Variants in AUTS2 observed in about 807,000 individuals in gnomAD.
The protein encoded by AUTS2 is autism susceptibility gene 2 protein.
Under a neutral mutation model 112.4 loss-of-function variants are expected in AUTS2, and 17 were observed. That is an observed-to-expected ratio of 0.15 (90% CI 0.10 to 0.23). The LOEUF is 0.23. Among genes scored for constraint, AUTS2 ranks in the 10% least tolerant of loss-of-function variants. The probability of loss-of-function intolerance (pLI) is 1.00; values close to 1 mark genes in which losing one functional copy is unlikely to be tolerated. For synonymous variants in AUTS2, 751 were observed against 702.7 expected (o/e 1.07, Z -1.09); for missense variants, 1,510 against 1,701.6 (o/e 0.89, Z 1.98).
intron 5 of AUTS2, among the ~76,000 whole-genome samples, chr7:70,573,719 C>T (rs962896170): frequency 2.6e-5 from 4 of 151,194 alleles, no homozygotes; most frequent in Non-Finnish European, 4.4e-5. Flanking sequence ...GCCAGTTAAA[C>T]GGTTCAAAGG....
At chr7:69,787,950 A>G (rs1390934118) in intron 1 of AUTS2, among the ~76,000 whole-genome samples, 2 of 152,182 alleles carry the variant, frequency 1.3e-5, no homozygotes, top group African/African-American at 2.4e-5. Flanking sequence ...TATTAAGGAC[A>G]GATTTTTCAG....
At position 69,599,243 on chromosome 7, in the gene AUTS2, C is replaced by T. The variant is rs1792229487; in HGVS notation, c.-411C>T. ...GGAGAATGGCCGCGGGGAGGGCTCC[C>T]CGGAGCCTCCCAGTCTCTTGATCAA... On this transcript the variant is annotated 5_prime_UTR_variant, in exon 1 of 19. Coordinates refer to ENST00000342771, the MANE Select transcript of AUTS2 (RefSeq NM_015570.4). The surrounding 1 kb of genome is among the most constrained non-coding windows in gnomAD (Gnocchi z 7.0). 2 of 155,440 alleles carry T rather than the reference C, an allele frequency of 1.3e-5. No homozygotes were observed. The highest frequency in any genetic ancestry group is 1.3e-4 in the Admixed American group (2 of 15,342). 9.6% of individuals were successfully genotyped at this position (155,440 alleles called of 1,614,324 possible). A position where few individuals can be genotyped will look rare whatever the true frequency, so the allele number is the denominator to read the frequency against.
rs1442323251 is a variant in AUTS2 at position 70,793,229 on chromosome 7, G to GTGTT, written c.*2236_*2239dup. On this transcript the variant is annotated 3_prime_UTR_variant, in exon 19 of 19. Transcript: ENST00000342771. ...CTGGCTACTTCAAAACTCAGCGAAA[G>GTGTT]TGTTTGCTTTTCCAGCAGTGATGAG... 1.3e-5 allele frequency: 2 copies of GTGTT among 152,312 alleles called. No individual in the cohort carries two copies. The highest frequency in any genetic ancestry group is 3.9e-4 in the East Asian group (2 of 5,184). 9.4% of individuals were successfully genotyped at this position (152,312 alleles called of 1,614,324 possible).
chr7:70,756,615 T>C (rs116294972), intron 6 of AUTS2, among the ~76,000 whole-genome samples: 2,517 of 152,284 alleles, frequency 0.017, 55 homozygotes, highest in African/African-American at 0.057. Flanking sequence ...TAAGTGCTTG[T>C]TTATATTAGA....
At chr7:69,876,565 A>G (rs1453427950) in intron 1 of AUTS2, among the ~76,000 whole-genome samples, 6 of 111,050 alleles carry the variant, frequency 5.4e-5, no homozygotes, top group African/African-American at 1.8e-4. Context: ...TCATATAACA[A>G]ATTTCTTTTG....
intron 5 of AUTS2, among the ~76,000 whole-genome samples, chr7:70,545,644 G>A (rs965577805): frequency 6.6e-6 from 1 of 152,128 alleles, no homozygotes; most frequent in Non-Finnish European, 1.5e-5. Context: ...GACCTCCCAC[G>A]ATCTTTCTCC....
rs992733166 is a variant in AUTS2, at chr7:69,599,540, C to G, written c.-114C>G. ...GCCGCCGTCTCCCCCGCGCCCTCCT[C>G]GGGGCGGAGGGAAGCCGTGAAGGGG... On this transcript the variant is annotated 5_prime_UTR_variant, in exon 1 of 19. Transcript: ENST00000342771. This position sits in a 1 kb window ranked among gnomAD's most constrained non-coding sequence, Gnocchi z 7.0. The G allele has an allele frequency of 3.3e-5, 35 of 1,050,782 alleles. No individual in the cohort carries two copies. The highest frequency in any genetic ancestry group is 1.2e-5 in the Non-Finnish European group (10 of 828,682). 65.1% of individuals were successfully genotyped at this position (1,050,782 alleles called of 1,614,324 possible). A position where few individuals can be genotyped will look rare whatever the true frequency, so the allele number is the denominator to read the frequency against.
chr7:69,914,356 GAC>G (rs66527808), intron 2 of AUTS2, among the ~76,000 whole-genome samples: 21,486 of 135,914 alleles, frequency 0.16, 1,583 homozygotes, highest in Middle Eastern at 0.21. Flanking sequence ...CACACACACA[GAC>G]ACACACACAC....
At chr7:70,150,797 G>A (rs1478228226) in intron 4 of AUTS2, among the ~76,000 whole-genome samples, 1 of 152,116 alleles carries the variant, frequency 6.6e-6, no homozygotes, top group Non-Finnish European at 1.5e-5. Flanking sequence ...AATATGCCAG[G>A]TGATAATAGG....
intron 4 of AUTS2, among the ~76,000 whole-genome samples, chr7:70,424,680 G>C (rs1048176031): frequency 1.3e-5 from 2 of 152,052 alleles, no homozygotes; most frequent in Non-Finnish European, 2.9e-5. Flanking sequence ...TTGACCTTCC[G>C]GGCTCAAGCA....
chr7:70,210,721 T>C (rs1243369820), intron 4 of AUTS2, among the ~76,000 whole-genome samples: 2 of 152,196 alleles, frequency 1.3e-5, no homozygotes, highest in Non-Finnish European at 2.9e-5. Context: ...ATAACCATGA[T>C]AAGATCTAAT....
chr7:69,712,236 T>A (rs560981883), intron 1 of AUTS2, among the ~76,000 whole-genome samples: 2 of 152,296 alleles, frequency 1.3e-5, no homozygotes, highest in East Asian at 3.9e-4. Context: ...TGAAGTAAAA[T>A]TGACATGTAA....
At chr7:70,093,697 G>A (rs1804037379) in intron 2 of AUTS2, among the ~76,000 whole-genome samples, 1 of 152,200 alleles carries the variant, frequency 6.6e-6, no homozygotes, top group Non-Finnish European at 1.5e-5. Flanking sequence ...GGCTGCCTGG[G>A]CTTAAGGCCA....
chr7:70,711,947 G>C (rs1202527320), intron 6 of AUTS2, among the ~76,000 whole-genome samples: 3 of 152,120 alleles, frequency 2.0e-5, no homozygotes, highest in African/African-American at 2.4e-5. Flanking sequence ...ATCTGAGAGA[G>C]GGCTACAGAA....
intron 2 of AUTS2, among the ~76,000 whole-genome samples, chr7:70,113,512 A>G (rs1373837340): frequency 1.3e-5 from 2 of 152,144 alleles, no homozygotes; most frequent in Non-Finnish European, 2.9e-5. Flanking sequence ...AAAAAGGAGA[A>G]TCTTTTGAGC....
chr7:69,871,489 T>C (rs1793494815), intron 1 of AUTS2, among the ~76,000 whole-genome samples: 1 of 152,206 alleles, frequency 6.6e-6, no homozygotes, highest in Admixed American at 6.5e-5. Context: ...GTGGCTGTGA[T>C]AAGTTTAATT....
intron 2 of AUTS2, among the ~76,000 whole-genome samples, chr7:70,109,210 T>C (rs894479852): frequency 6.6e-6 from 1 of 152,236 alleles, no homozygotes; most frequent in Non-Finnish European, 1.5e-5. Flanking sequence ...GTTTATTTTT[T>C]ATATTCATCC....
intron 4 of AUTS2, among the ~76,000 whole-genome samples, chr7:70,399,604 C>CT (rs994991854): frequency 2.0e-5 from 3 of 152,196 alleles, no homozygotes; most frequent in African/African-American, 7.2e-5. Flanking sequence ...AGCAGTTTAT[C>CT]TTTAAGTTTC....
chr7:70,090,009 C>T lies in AUTS2; in HGVS notation c.523-28123C>T, dbSNP rs201874700. ...GAAAGACAGAGAGACTGTTTCAAAA[C>T]AAATAAATAAATAAATAAATAAATA... On this transcript the variant is annotated intron_variant, in intron 2 of 18. Transcript: ENST00000342771. Among the ~76,000 whole-genome samples the T allele has an allele frequency of 1.2e-3, 180 of 144,414 alleles. 1 individual carries two copies. The highest frequency in any genetic ancestry group is 4.3e-3 in the African/African-American group (171 of 39,396). 94.7% of individuals were successfully genotyped at this position (144,414 alleles called of 152,430 possible). A position where few individuals can be genotyped will look rare whatever the true frequency, so the allele number is the denominator to read the frequency against.
Sources: gnomAD v4.1 joint callset for allele counts (sites outside exome capture counted in the v4.1 genomes callset) on GRCh38, gnomAD v4.1.1 for gene constraint, Gnocchi (gnomAD v3.1) non-coding constraint, MANE v1.5 for transcripts, NCBI Gene and HGNC (gene_info 2026-07-23, HGNC 2026-07-21) for gene names.